The following TMEM160 variants were observed in gnomAD, a reference collection of about 807,000 sequenced individuals.
TMEM160 encodes the protein transmembrane protein 160.
TMEM160 carries 10 observed loss-of-function variants against 13.9 expected under a neutral mutation model. The observed-to-expected ratio is 0.72, with a 90% CI of 0.45 to 1.22. The LOEUF is 1.22. Ranked by LOEUF, TMEM160 falls within the 50% of genes most tolerant of loss-of-function variation. TMEM160 has a pLI of 0.00. For missense variants in TMEM160, 287 were observed against 283.2 expected (o/e 1.01, Z -0.10); for synonymous variants, 159 against 134.8 (o/e 1.18, Z -1.25).
chr19:47,046,707 G>A (rs774374579), intron 1 of TMEM160, 22 bp from the exon 2 acceptor site: 8 of 1,556,740 alleles, frequency 5.1e-6, no homozygotes, highest in Admixed American at 1.7e-5. Context: ...GGGACATGGG[G>A]GGATTAACAT....
intron 2 of TMEM160, 144 bp downstream of exon 2, chr19:47,046,449 G>T (rs2057080497): frequency 1.1e-6 from 1 of 915,996 alleles, no homozygotes; most frequent in Non-Finnish European, 1.7e-6. Context: ...TATGGGAGGG[G>T]TGTCTTCTGG....
chr19:47,046,571 G>A (rs201144157), intron 2 of TMEM160, 22 bp downstream of exon 2: 8 of 1,596,674 alleles, frequency 5.0e-6, no homozygotes, highest in African/African-American at 1.3e-5. Flanking sequence ...TCCGTGGGGC[G>A]AGAGGGGGGG....
intron 1 of TMEM160, chr19:47,047,890 C>A: frequency 1.0e-6 from 1 of 985,064 alleles, no homozygotes; most frequent in Non-Finnish European, 1.2e-6. Flanking sequence ...CCAGTCCGCT[C>A]CATTCTGGAC....
At chr19:47,046,382 G>T in intron 2 of TMEM160, 130 bp from the exon 3 acceptor site, 1 of 1,197,488 alleles carries the variant, frequency 8.4e-7, no homozygotes, top group Non-Finnish European at 1.1e-6. Context: ...GAATCAGATC[G>T]GAGGGGAGGG....
intron 1 of TMEM160, 129 bp downstream of exon 1, chr19:47,048,278 C>T: frequency 1.2e-6 from 1 of 837,368 alleles, no homozygotes; most frequent in South Asian, 1.9e-5. Flanking sequence ...CTTCCGTGCG[C>T]TCACACTGAA....
chr19:47,047,565 T>C, intron 1 of TMEM160: 3 of 980,800 alleles, frequency 3.1e-6, no homozygotes, highest in Non-Finnish European at 3.6e-6. Context: ...AGATGCCCGG[T>C]CCTGGCCTAG....
At chr19:47,046,940 G>C (rs1209146865) in intron 1 of TMEM160, among the ~76,000 whole-genome samples, 2 of 152,208 alleles carry the variant, frequency 1.3e-5, no homozygotes, top group Non-Finnish European at 2.9e-5. Context: ...GGCCGGGTGT[G>C]GTGGCTCACC....
chr19:47,045,949 C>T lies in TMEM160; in HGVS notation c.*38G>A, dbSNP rs1188064511. 2.7e-6 allele frequency: 4 copies of T among 1,502,900 alleles called. No individual in the cohort carries two copies. Among genetic ancestry groups the T allele is most frequent in the Non-Finnish European group, 3.5e-6 (4 of 1,134,392 alleles). The allele number at this position is 1,502,900 out of a possible 1,614,324, so 93.1% of individuals were successfully genotyped here. ...CAGGTTTAATGTCCCAGTCCTCGGG[C>T]GCTGTCCAGCGCCTGCCAGGCCCCA... is the stretch of plus-strand genomic sequence containing the variant. On this transcript the variant is annotated 3_prime_UTR_variant, in exon 3 of 3. Coordinates refer to ENST00000253047, the MANE Select transcript of TMEM160 (RefSeq NM_017854.2).
In TMEM160 at chr19:47,046,596, A is replaced by G; in HGVS notation, c.298T>C (p.Tyr100His). Residue 100 changes from tyrosine to histidine, a missense_variant, in exon 2 of 3, where the codon TAT becomes CAT. Transcript: ENST00000253047. Reference protein sequence around the residue: ...MQSDMGREAAYGFFLLGGLCV... With the variant: ...MQSDMGREAAHGFFLLGGLCV... ...GAGAGGGGGGGTCTGCACTCACCAT[A>G]TGCTGCTTCCCGACCCATGTCACTC... 6.2e-7 allele frequency: 1 copy of G among 1,612,532 alleles called. No homozygotes were observed. The highest frequency in any genetic ancestry group is 8.5e-7 in the Non-Finnish European group (1 of 1,179,542).
chr19:47,046,926 CA>C (rs2057083673), intron 1 of TMEM160, among the ~76,000 whole-genome samples: 1 of 152,176 alleles, frequency 6.6e-6, no homozygotes, highest in Non-Finnish European at 1.5e-5. Flanking sequence ...ACTAAGGATT[CA>C]AGGGCCGGGT....
At chr19:47,048,127 C>A (rs1166179521) in intron 1 of TMEM160, among the ~76,000 whole-genome samples, 1 of 152,194 alleles carries the variant, frequency 6.6e-6, no homozygotes, top group East Asian at 1.9e-4. Context: ...GCCCCTCTCC[C>A]CACGGCAGGC....
rs752150944 is a variant in TMEM160, at chr19:47,048,585, G to C, written c.30C>G (p.Ala10=). The part of the protein sequence containing the change: MGGGWWWAR[A]ARLARLRFRR... ...GGAAGCGAAGACGGGCAAGGCGAGC[G>C]GCCCGAGCCCACCACCAGCCGCCTC... is the stretch of plus-strand genomic sequence containing the variant. Residue 10 remains alanine (A), a synonymous_variant, in exon 1 of 3, where the codon GCC becomes GCG. Coordinates refer to ENST00000253047, the MANE Select transcript of TMEM160 (RefSeq NM_017854.2). 12 of 1,525,738 alleles carry C rather than the reference G, an allele frequency of 7.9e-6. No homozygotes were observed. In the African/African-American group the frequency reaches 1.6e-4, roughly 20 times the overall value. 94.5% of individuals were successfully genotyped at this position (1,525,738 alleles called of 1,614,324 possible).
chr19:47,047,216 A>T, intron 1 of TMEM160: 1 of 977,972 alleles, frequency 1.0e-6, no homozygotes, highest in Non-Finnish European at 1.2e-6. Context: ...TCTCAAAAAA[A>T]ATAAAGGATT....
rs755036289 is a variant in TMEM160, at chr19:47,046,150, G to A, written c.404C>T (p.Ala135Val). 6 of 1,469,112 alleles carry A rather than the reference G, an allele frequency of 4.1e-6. No homozygotes were observed. In the South Asian group the frequency reaches 7.9e-5, roughly 19 times the overall value. The allele number at this position is 1,469,112 out of a possible 1,614,324, so 91.0% of individuals were successfully genotyped here. The change falls in exon 3 of 3, where the codon GCG becomes GTG. Residue 135 changes from alanine to valine, a missense_variant. Physicochemically the swap from Ala to Val is moderately conservative, Grantham distance 64. Coordinates refer to ENST00000253047, the MANE Select transcript of TMEM160 (RefSeq NM_017854.2). ...RGPMQLTLGG[A>V]AVGAGAVLAA... is the part of the protein sequence containing the mutation. ...CAGCACGGCGCCCGCGCCCACGGCC[G>A]CGCCCCCCAGCGTCAGCTGCATGGG... is the stretch of plus-strand genomic sequence containing the variant.
chr19:47,048,569 G>C lies in TMEM160; in HGVS notation c.46C>G (p.Leu16Val). The stretch of plus-strand genomic sequence containing the variant: ...GGCAGTAGCGACCTCCGGAAGCGAA[G>C]ACGGGCAAGGCGAGCGGCCCGAGCC... ...WWARAARLARLRFRRSLLPPQ... is the reference protein window; with the variant it reads ...WWARAARLARVRFRRSLLPPQ... The change falls in exon 1 of 3, where the codon CTT (leucine) becomes GTT (valine). Residue 16 changes from leucine (L) to valine (V), a missense_variant. Physicochemically the swap from Leu to Val is conservative, Grantham distance 32 (BLOSUM62 1). Coordinates refer to ENST00000253047, the MANE Select transcript of TMEM160 (RefSeq NM_017854.2). 1 of 1,519,008 alleles carries C rather than the reference G, an allele frequency of 6.6e-7. No individual in the cohort carries two copies. The highest frequency in any genetic ancestry group is 8.8e-7 in the Non-Finnish European group (1 of 1,142,194). The allele number at this position is 1,519,008 out of a possible 1,614,324, so 94.1% of individuals were successfully genotyped here. A position where few individuals can be genotyped will look rare whatever the true frequency, so the allele number is the denominator to read the frequency against.
In TMEM160 at chr19:47,046,143, C is replaced by T. The variant is rs1237580089; in HGVS notation, c.411G>A (p.Val137=). 2.7e-6 allele frequency: 4 copies of T among 1,470,490 alleles called. No homozygotes were observed. Among genetic ancestry groups the T allele is most frequent in the Non-Finnish European group, 3.6e-6 (4 of 1,121,384 alleles). 91.1% of individuals were successfully genotyped at this position (1,470,490 alleles called of 1,614,324 possible). A position where few individuals can be genotyped will look rare whatever the true frequency, so the allele number is the denominator to read the frequency against. ...TGGCGGCCAGCACGGCGCCCGCGCC[C>T]ACGGCCGCGCCCCCCAGCGTCAGCT... The part of the protein sequence containing the change: ...PMQLTLGGAA[V]GAGAVLAASL... The change falls in exon 3 of 3, where the codon GTG becomes GTA. Residue 137 remains valine (V), a synonymous_variant. Coordinates refer to ENST00000253047, the MANE Select transcript of TMEM160 (RefSeq NM_017854.2).
In TMEM160 at chr19:47,046,575, G is replaced by A. The variant is rs779428828; in HGVS notation, c.301+18C>T. 10 of 1,591,878 alleles carry A rather than the reference G, an allele frequency of 6.3e-6. No individual in the cohort carries two copies. In the African/African-American group the frequency reaches 6.9e-5, roughly 11 times the overall value. On this transcript the variant is annotated intron_variant, in intron 2 of 2. Coordinates refer to ENST00000253047, the MANE Select transcript of TMEM160 (RefSeq NM_017854.2). ...CATTCCCTGGTTCCGTGGGGCGAGA[G>A]GGGGGGTCTGCACTCACCATATGCT... is the stretch of plus-strand genomic sequence containing the variant.
At chr19:47,048,293 T>G (rs113395790) in intron 1 of TMEM160, 114 bp downstream of exon 1, 4 of 978,156 alleles carry the variant, frequency 4.1e-6, no homozygotes, top group Non-Finnish European at 5.7e-6. Context: ...ACTGAAGCCC[T>G]TCTCGGAGCC....
chr19:47,047,351 T>C, intron 1 of TMEM160: 1 of 984,986 alleles, frequency 1.0e-6, no homozygotes, highest in Non-Finnish European at 1.2e-6. Context: ...CACTCACTTC[T>C]TTCTCAGAAC....
Sources: gnomAD v4.1 joint callset for allele counts (sites outside exome capture counted in the v4.1 genomes callset) on GRCh38, gnomAD v4.1.1 for gene constraint, MANE v1.5 for transcripts, NCBI Gene and HGNC (gene_info 2026-07-23, HGNC 2026-07-21) for gene names.